Variants in GABRA3 observed in about 807,000 individuals in gnomAD.
GABRA3 encodes the protein gamma-aminobutyric acid receptor subunit alpha-3.
A neutral mutation model predicts 30.1 loss-of-function variants in GABRA3; 10 were observed. The observed-to-expected ratio is 0.33, with a 90% CI of 0.20 to 0.56. The LOEUF is 0.56. Among genes scored for constraint, GABRA3 ranks in the 20% least tolerant of loss-of-function variants. GABRA3 has a pLI of 0.89. For missense variants in GABRA3, 233 were observed against 392.0 expected, an observed-to-expected ratio of 0.59 and a Z score of 3.42; for synonymous variants, 151 against 146.8, an observed-to-expected ratio of 1.03 and a Z score of -0.21.
At chrX:152,423,490 A>T (rs1296146175) in intron 1 of GABRA3, among the ~76,000 whole-genome samples, 1 of 112,260 alleles carries the variant, frequency 8.9e-6, no homozygotes, top group African/African-American at 3.2e-5. Flanking sequence ...TGCACTGGAC[A>T]AATGTATCCT....
intron 1 of GABRA3, among the ~76,000 whole-genome samples, chrX:152,370,357 T>C (rs767516430): frequency 1.8e-5 from 2 of 112,046 alleles, no homozygotes; most frequent in South Asian, 7.4e-4. Context: ...CACATGTTGT[T>C]ACCCAGATAC....
At chrX:152,414,945 C>T (rs116479748) in intron 1 of GABRA3, among the ~76,000 whole-genome samples, 1,610 of 107,963 alleles carry the variant, frequency 0.015, 32 homozygotes, top group African/African-American at 0.051. Context: ...CTGTATAGTG[C>T]TAATTATGAC....
Position 152,275,239 on chromosome X carries a change from T to A in GABRA3, c.330+9429A>T, listed in dbSNP as rs780498140. On this transcript the variant is annotated intron_variant, in intron 4 of 9. Transcript: ENST00000370314. ...TTATATATATATAATTTATATATAT[T>A]TTATTATATATAATAAAATATATAT... 7.0e-3 allele frequency among the ~76,000 whole-genome samples: 372 copies of A among 53,089 alleles called. 13 individuals are homozygous for A. The highest frequency in any genetic ancestry group is 0.035 in the African/African-American group (353 of 10,083). The allele number at this position is 53,089 out of a possible 115,157, so 46.1% of individuals were successfully genotyped here.
At chrX:152,285,928 CTATATAGTACTTAGTACTAAGTA>C (rs1420704744) in intron 3 of GABRA3, among the ~76,000 whole-genome samples, 1 of 106,370 alleles carries the variant, frequency 9.4e-6, no homozygotes, top group Admixed American at 1.0e-4. Context: ...TACTTATATA[CTATATAGTACTTAGTACTAAGTA>C]TTTATAGTAC....
intron 3 of GABRA3, among the ~76,000 whole-genome samples, chrX:152,294,272 G>A (rs1056897002): frequency 2.7e-5 from 3 of 111,310 alleles, no homozygotes; most frequent in Non-Finnish European, 5.6e-5. Context: ...CCAATCAGAC[G>A]TAGATTTGGT....
At chrX:152,215,972 G>T (rs1195228026) in intron 6 of GABRA3, among the ~76,000 whole-genome samples, 1 of 110,819 alleles carries the variant, frequency 9.0e-6, no homozygotes, top group East Asian at 2.8e-4. Context: ...ATGGCCTCCA[G>T]GTATATAAAA....
intron 3 of GABRA3, among the ~76,000 whole-genome samples, chrX:152,344,588 T>C (rs990167137): frequency 1.3e-4 from 14 of 111,914 alleles, no homozygotes; most frequent in Non-Finnish European, 2.6e-4. Flanking sequence ...AATTACGTAT[T>C]AATTATAAAC....
At chrX:152,445,929 T>C (rs1360531808) in intron 1 of GABRA3, among the ~76,000 whole-genome samples, 3 of 111,895 alleles carry the variant, frequency 2.7e-5, no homozygotes, top group African/African-American at 9.8e-5. Flanking sequence ...CCTCTTCCTA[T>C]AAATTGCTGA....
chrX:152,203,090 C>T (rs1322670341), intron 7 of GABRA3, among the ~76,000 whole-genome samples: 1 of 111,690 alleles, frequency 9.0e-6, no homozygotes, highest in Non-Finnish European at 1.9e-5. Context: ...TCCCTGCTGG[C>T]AATGCCCAGA....
rs1454876737 is a variant in GABRA3, at chrX:152,338,058, T to C, written c.262+7523A>G. 2.7e-5 allele frequency among the ~76,000 whole-genome samples: 3 copies of C among 111,811 alleles called. No homozygotes were observed. In the Admixed American group the frequency reaches 2.9e-4, roughly 11 times the overall value. ...TTTAGATATATACCCAATAGTGCAA[T>C]TGCTGGATCATATGGTAGCTCTGTT... is the stretch of plus-strand genomic sequence containing the variant. On this transcript the variant is annotated intron_variant, in intron 3 of 9. Transcript: ENST00000370314.
intron 3 of GABRA3, among the ~76,000 whole-genome samples, chrX:152,324,183 C>G (rs867588036): frequency 8.9e-6 from 1 of 112,255 alleles, no homozygotes; most frequent in African/African-American, 3.2e-5. Context: ...AATGTTCTTA[C>G]TTTAACTGTG....
intron 6 of GABRA3, among the ~76,000 whole-genome samples, chrX:152,216,128 T>C (rs1569358374): frequency 2.7e-5 from 3 of 110,693 alleles, no homozygotes; most frequent in African/African-American, 6.5e-5. Context: ...CTCTTTCTTA[T>C]ACACTGTTGG....
chrX:152,304,169 T>C (rs1939685430), intron 3 of GABRA3, among the ~76,000 whole-genome samples: 2 of 111,983 alleles, frequency 1.8e-5, no homozygotes, highest in African/African-American at 6.5e-5. Flanking sequence ...CTTCTTGATT[T>C]ATTTAAGTTC....
At chrX:152,182,759 T>C (rs868669194) in intron 9 of GABRA3, among the ~76,000 whole-genome samples, 3 of 3,268 alleles carry the variant, frequency 9.2e-4, no homozygotes, top group Non-Finnish European at 1.9e-3. Context: ...CACTATATAG[T>C]GTATATATAG....
Position 152,199,349 on chromosome X carries a change from G to GA in GABRA3, c.779-1565_779-1564insT, listed in dbSNP as rs762189696. Among the ~76,000 whole-genome samples, 278 of 104,687 alleles carry GA rather than the reference G, an allele frequency of 2.7e-3. 2 individuals carry two copies. The highest frequency in any genetic ancestry group is 3.7e-3 in the Non-Finnish European group (187 of 50,405). The allele number at this position is 104,687 out of a possible 115,157, so 90.9% of individuals were successfully genotyped here. ...CCACTGCACTCCAGCCTGGGCAACA[G>GA]GCGAGACTCTGTCTCAAAAAAAAAA... On this transcript the variant is annotated intron_variant, in intron 7 of 9. Coordinates refer to ENST00000370314, the MANE Select transcript of GABRA3 (RefSeq NM_000808.4).
intron 4 of GABRA3, among the ~76,000 whole-genome samples, chrX:152,267,671 C>T (rs1938851788): frequency 9.0e-6 from 1 of 111,227 alleles, no homozygotes; most frequent in South Asian, 3.7e-4. Flanking sequence ...TTTATTATAG[C>T]TTCTATCTCA....
chrX:152,228,848 T>C (rs1938014529), intron 5 of GABRA3, among the ~76,000 whole-genome samples: 1 of 111,011 alleles, frequency 9.0e-6, no homozygotes, highest in African/African-American at 3.3e-5. Flanking sequence ...CCTTACATAA[T>C]CCATCCATCC....
chrX:152,170,426 G>A (rs1485479070), intron 9 of GABRA3, among the ~76,000 whole-genome samples: 2 of 112,243 alleles, frequency 1.8e-5, no homozygotes, highest in South Asian at 7.4e-4. Flanking sequence ...TGATTCTCCC[G>A]CCTCAGGCTC....
intron 4 of GABRA3, among the ~76,000 whole-genome samples, chrX:152,273,394 T>C (rs373367312): frequency 8.9e-6 from 1 of 111,901 alleles, no homozygotes; most frequent in East Asian, 2.8e-4. Flanking sequence ...CCTCAAAATA[T>C]TAAAGATAGA....
Sources: allele counts gnomAD v4.1 joint callset (sites outside exome capture counted in the v4.1 genomes callset), GRCh38; gene constraint gnomAD v4.1.1; transcripts MANE v1.5; gene names NCBI Gene and HGNC (gene_info 2026-07-23, HGNC 2026-07-21).